The following RBPJ variants were observed in gnomAD, a reference collection of about 807,000 sequenced individuals.
RBPJ encodes recombining binding protein suppressor of hairless.
In RBPJ, 9 loss-of-function variants were observed where a neutral mutation model predicts 67.8. The observed-to-expected ratio is 0.13, with a 90% confidence interval of 0.08 to 0.23. The LOEUF (loss-of-function observed/expected upper bound fraction) is 0.23, where lower values mean the gene tolerates loss of function less well. Among genes scored for constraint, RBPJ ranks in the 10% least tolerant of loss-of-function variants. The pLI, the probability that RBPJ is intolerant of heterozygous loss-of-function variation, is 1.00. For synonymous variants in RBPJ, 198 were observed against 203.3 expected, an observed-to-expected ratio of 0.97 and a Z score of 0.22; for missense variants, 305 against 595.6, an observed-to-expected ratio of 0.51 and a Z score of 5.08.
intron 1 of RBPJ, among the ~76,000 whole-genome samples, chr4:26,225,620 G>A (rs28653121): frequency 2.4e-4 from 37 of 152,144 alleles, no homozygotes; most frequent in Admixed American, 7.9e-4. Flanking sequence ...ATAATAATGC[G>A]TCAATATGGG....
intron 1 of RBPJ, among the ~76,000 whole-genome samples, chr4:26,282,140 T>TC (rs1232946427): frequency 3.7e-5 from 2 of 54,212 alleles, no homozygotes; most frequent in Non-Finnish European, 9.6e-5. Flanking sequence ...CTCTCTCTTT[T>TC]TTTTTTTTTT....
At chr4:26,234,850 G>A (rs1026002293) in intron 1 of RBPJ, among the ~76,000 whole-genome samples, 1 of 151,822 alleles carries the variant, frequency 6.6e-6, no homozygotes, top group South Asian at 2.1e-4. Context: ...ATGCCACCAC[G>A]CCCAGCTAAT....
intron 1 of RBPJ, among the ~76,000 whole-genome samples, chr4:26,376,477 A>G (rs573177875): frequency 6.6e-6 from 1 of 152,350 alleles, no homozygotes; most frequent in South Asian, 2.1e-4. Flanking sequence ...AGGCTGAATC[A>G]TATCCCATCA....
chr4:26,166,793 T>C (rs1716322435), intron 1 of RBPJ, among the ~76,000 whole-genome samples: 1 of 152,196 alleles, frequency 6.6e-6, no homozygotes, highest in Non-Finnish European at 1.5e-5. Context: ...TCCTTGCCCA[T>C]GCCTATGTCC....
Position 26,433,316 on chromosome 4 carries a change from C to G in RBPJ, c.*2309C>G, listed in dbSNP as rs1165917315. The G allele has an allele frequency of 6.6e-6, 1 of 152,158 alleles. No individual in the cohort carries two copies. Among genetic ancestry groups the G allele is most frequent in the Non-Finnish European group, 1.5e-5 (1 of 68,028 alleles). 9.4% of individuals were successfully genotyped at this position (152,158 alleles called of 1,614,324 possible). A position where few individuals can be genotyped will look rare whatever the true frequency, so the allele number is the denominator to read the frequency against. On this transcript the variant is annotated 3_prime_UTR_variant, in exon 11 of 11. Transcript: ENST00000355476. ...GGAATCATTACACAGTGCTTTTGTT[C>G]AGAGCATGGACATGTTCCTAGTGCT...
the RBPJ span, among the ~76,000 whole-genome samples, chr4:26,132,289 A>G: frequency 2.6e-5 from 4 of 152,322 alleles, no homozygotes; most frequent in African/African-American, 9.6e-5. Flanking sequence ...CAGGCACTCA[A>G]GGACCCTTGG....
At chr4:26,333,157 G>A (rs766029136) in intron 1 of RBPJ, among the ~76,000 whole-genome samples, 2 of 152,170 alleles carry the variant, frequency 1.3e-5, no homozygotes, top group South Asian at 4.1e-4. Flanking sequence ...ATGGAGAGCT[G>A]ACTGCCGGTC....
intron 1 of RBPJ, among the ~76,000 whole-genome samples, chr4:26,336,269 G>A (rs1305538373): frequency 6.6e-6 from 1 of 152,140 alleles, no homozygotes; most frequent in East Asian, 1.9e-4. Context: ...TTCTTGACAT[G>A]CTCATGTCTG....
At chr4:26,177,792 C>G (rs1716848379) in intron 1 of RBPJ, among the ~76,000 whole-genome samples, 1 of 152,068 alleles carries the variant, frequency 6.6e-6, no homozygotes, top group South Asian at 2.1e-4. Flanking sequence ...AAAAAGAAAG[C>G]AATAAAAACA....
intron 1 of RBPJ, among the ~76,000 whole-genome samples, chr4:26,191,210 T>TATATATATAGAG (rs1364457297): frequency 3.7e-5 from 1 of 26,836 alleles, no homozygotes; most frequent in African/African-American, 1.4e-4. Flanking sequence ...TATATATATA[T>TATATATATAGAG]AGAGAGAGAG....
chr4:26,220,980 T>C (rs1221187269), intron 1 of RBPJ, among the ~76,000 whole-genome samples: 3 of 152,256 alleles, frequency 2.0e-5, no homozygotes, highest in African/African-American at 7.2e-5. Context: ...ACTCAGAATA[T>C]GTTTGCCCTG....
rs557915044 is a variant in RBPJ at position 26,431,086 on chromosome 4, G to A, written c.*79G>A. 7.6e-5 allele frequency: 95 copies of A among 1,257,306 alleles called. No homozygotes were observed. Among genetic ancestry groups the A allele is most frequent in the South Asian group, 9.7e-5 (7 of 71,964 alleles). 77.9% of individuals were successfully genotyped at this position (1,257,306 alleles called of 1,614,324 possible). A position where few individuals can be genotyped will look rare whatever the true frequency, so the allele number is the denominator to read the frequency against. On this transcript the variant is annotated 3_prime_UTR_variant, in exon 11 of 11. Transcript: ENST00000355476. Reference sequence around the variant, plus strand: ...AAAAAAGGAGAAAAAATGAACAATCGTTTGTGGTTTCTTGGGAAAACTTTT... The same window carrying A: ...AAAAAAGGAGAAAAAATGAACAATCATTTGTGGTTTCTTGGGAAAACTTTT...
chr4:26,387,302 C>G (rs1423536432), intron 2 of RBPJ, among the ~76,000 whole-genome samples: 2 of 152,112 alleles, frequency 1.3e-5, no homozygotes, highest in African/African-American at 2.4e-5. Context: ...ATCTGGGACA[C>G]TTTGGTTATC....
chr4:26,211,459 C>T lies in RBPJ; in HGVS notation c.-167+47845C>T, dbSNP rs533699560. ...CTACAGGGATTGTTTATTATTTGCT[C>T]ATTTATATTTGAGATGTATTTCACA... On this transcript the variant is annotated intron_variant, in intron 1 of 4. Coordinates refer to the RBPJ transcript ENST00000512351. 9.9e-5 allele frequency among the ~76,000 whole-genome samples: 15 copies of T among 152,256 alleles called. No individual in the cohort carries two copies. The East Asian group carries it at 1.9e-3, about 20-fold the overall frequency.
At chr4:26,341,321 C>T (rs889176145) in intron 1 of RBPJ, among the ~76,000 whole-genome samples, 6 of 152,038 alleles carry the variant, frequency 3.9e-5, no homozygotes, top group Non-Finnish European at 8.8e-5. Flanking sequence ...TGGTAAAAGA[C>T]AGCTGACCAC....
chr4:26,198,589 A>G (rs1008472314), intron 1 of RBPJ, among the ~76,000 whole-genome samples: 3 of 152,226 alleles, frequency 2.0e-5, no homozygotes, highest in Non-Finnish European at 4.4e-5. Flanking sequence ...TAACTCAATT[A>G]TTTCTCACAA....
rs1058611 is a variant in RBPJ, at chr4:26,430,878, A to G, written c.1335A>G (p.Gly445=). The G allele has an allele frequency of 6.2e-6, 10 of 1,614,076 alleles. No individual in the cohort carries two copies. In the Admixed American group the frequency reaches 1.7e-4, roughly 27 times the overall value. ...CGCGGCCACATTGCAGTGCAGCAGG[A>G]GCAATCCTTCGAGCCAATTCAAGCC... ...PGPRPHCSAA[G]AILRANSSQV... is the part of the protein sequence containing the mutation. Residue 445 remains glycine (G), a synonymous_variant, in exon 11 of 11, where the codon GGA becomes GGG. Coordinates refer to ENST00000355476, the MANE Select transcript of RBPJ (RefSeq NM_015874.6). The surrounding 1 kb of genome is among the most constrained non-coding windows in gnomAD (Gnocchi z 4.1).
intron 1 of RBPJ, among the ~76,000 whole-genome samples, chr4:26,381,077 GT>G (rs1265022169): frequency 6.9e-6 from 1 of 145,850 alleles, no homozygotes; most frequent in Non-Finnish European, 1.5e-5. Flanking sequence ...ATTCAAGAAA[GT>G]TTTTTCTTGT....
chr4:26,399,097 T>C (rs957260756), intron 2 of RBPJ, among the ~76,000 whole-genome samples: 1 of 152,194 alleles, frequency 6.6e-6, no homozygotes, highest in African/African-American at 2.4e-5. Flanking sequence ...GACAAACTTT[T>C]CTGCCGTAAC....
Sources: gnomAD v4.1 joint callset for allele counts (sites outside exome capture counted in the v4.1 genomes callset) on GRCh38, gnomAD v4.1.1 for gene constraint, Gnocchi (gnomAD v3.1) non-coding constraint, MANE v1.5 for transcripts, NCBI Gene and HGNC (gene_info 2026-07-23, HGNC 2026-07-21) for gene names.